The following ENTREP2 variants were observed in gnomAD, a reference collection of about 807,000 sequenced individuals.
ENTREP2 encodes the protein endosomal transmembrane epsin interactor 2, also known as protein ENTREP2.
the ENTREP2 span, among the ~76,000 whole-genome samples, chr15:29,443,803 T>A: frequency 6.6e-6 from 1 of 151,960 alleles, no homozygotes; most frequent in African/African-American, 2.4e-5. Flanking sequence ...TGAATCTGCA[T>A]CTTACATATA....
chr15:29,452,322 G>T, the ENTREP2 span, among the ~76,000 whole-genome samples: 1 of 152,184 alleles, frequency 6.6e-6, no homozygotes, highest in East Asian at 1.9e-4. Context: ...AATCCTGAGA[G>T]AGCAGGGATT....
the ENTREP2 span, among the ~76,000 whole-genome samples, chr15:29,601,669 C>T: frequency 1.3e-5 from 2 of 152,222 alleles, no homozygotes; most frequent in Admixed American, 1.3e-4. Context: ...TCAAATTTCA[C>T]TTCCATCTTT....
chr15:29,171,247 A>G, the ENTREP2 span, among the ~76,000 whole-genome samples: 2 of 152,216 alleles, frequency 1.3e-5, no homozygotes, highest in African/African-American at 4.8e-5. Context: ...TGAACTGATT[A>G]AGACAGTGGG....
chr15:29,471,891 G>A, the ENTREP2 span, among the ~76,000 whole-genome samples: 1 of 152,144 alleles, frequency 6.6e-6, no homozygotes, highest in African/African-American at 2.4e-5. Context: ...CAGCAGCCCC[G>A]GGAGAATCAG....
the ENTREP2 span, among the ~76,000 whole-genome samples, chr15:29,554,629 G>C: frequency 6.6e-6 from 1 of 152,184 alleles, no homozygotes; most frequent in Non-Finnish European, 1.5e-5. Flanking sequence ...ATTTCAGATA[G>C]TATTAAGTGT....
chr15:29,166,103 A>G, the ENTREP2 span, among the ~76,000 whole-genome samples: 1 of 152,204 alleles, frequency 6.6e-6, no homozygotes, highest in Non-Finnish European at 1.5e-5. Flanking sequence ...CAGAAAAAGC[A>G]TTTGATAAAA....
the ENTREP2 span, chr15:29,614,098 CA>C: frequency 1.3e-5 from 2 of 153,004 alleles, no homozygotes; most frequent in South Asian, 4.1e-4. Flanking sequence ...AGATGGCGGT[CA>C]CGTTCGTCGG....
the ENTREP2 span, among the ~76,000 whole-genome samples, chr15:29,490,334 G>A: frequency 3.3e-5 from 5 of 152,214 alleles, no homozygotes; most frequent in South Asian, 4.1e-4. Context: ...CAGAGCCTAA[G>A]AGTGAGCAGT....
At chr15:29,206,183 T>C in the ENTREP2 span, among the ~76,000 whole-genome samples, 1 of 152,126 alleles carries the variant, frequency 6.6e-6, no homozygotes, top group African/African-American at 2.4e-5. Flanking sequence ...ACCAGCAGAT[T>C]TGGTGTATGG....
At chr15:29,341,243 A>G in the ENTREP2 span, among the ~76,000 whole-genome samples, 2 of 152,332 alleles carry the variant, frequency 1.3e-5, no homozygotes, top group South Asian at 4.1e-4. Flanking sequence ...ACTCTGCCTC[A>G]TTCATTTTTC....
the ENTREP2 span, among the ~76,000 whole-genome samples, chr15:29,432,270 C>A: frequency 2.0e-5 from 3 of 152,166 alleles, no homozygotes; most frequent in East Asian, 5.8e-4. Context: ...GGGCTTTGGT[C>A]TCACCCACCT....
the ENTREP2 span, among the ~76,000 whole-genome samples, chr15:29,458,968 G>C: frequency 6.6e-6 from 1 of 152,276 alleles, no homozygotes; most frequent in Admixed American, 6.5e-5. Flanking sequence ...GTCCGGTGCT[G>C]ATTCCCACAT....
At chr15:29,321,585 G>T in the ENTREP2 span, among the ~76,000 whole-genome samples, 1 of 151,016 alleles carries the variant, frequency 6.6e-6, no homozygotes, top group Non-Finnish European at 1.5e-5. Context: ...GGAGGTGGAG[G>T]TTGCAGTGAG....
At chr15:29,645,152 G>A in the ENTREP2 span, among the ~76,000 whole-genome samples, 1 of 152,198 alleles carries the variant, frequency 6.6e-6, no homozygotes, top group African/African-American at 2.4e-5. Flanking sequence ...TCTTAGAAAT[G>A]GAGCATATGG....
the ENTREP2 span, chr15:29,675,338 C>G: frequency 1.3e-5 from 2 of 152,378 alleles, no homozygotes; most frequent in Non-Finnish European, 2.9e-5. Flanking sequence ...GTCCCACAGG[C>G]TCCTGGCCGC....
chr15:29,626,754 G>A, the ENTREP2 span, among the ~76,000 whole-genome samples: 73 of 152,200 alleles, frequency 4.8e-4, 1 homozygote, highest in African/African-American at 1.6e-3. Context: ...AAAAACGTGA[G>A]CTTTCACCAT....
At chr15:29,469,778 A>ATT in the ENTREP2 span, among the ~76,000 whole-genome samples, 18 of 151,194 alleles carry the variant, frequency 1.2e-4, no homozygotes, top group African/African-American at 3.9e-4. Flanking sequence ...TAATAAATTA[A>ATT]TTTTTTTTAA....
chr15:29,133,099 G>A, the ENTREP2 span, among the ~76,000 whole-genome samples: 4 of 152,080 alleles, frequency 2.6e-5, no homozygotes, highest in African/African-American at 7.2e-5. Flanking sequence ...TTGCACCCTC[G>A]GTCAGCCTCC....
chr15:29,216,287 A>C, the ENTREP2 span, among the ~76,000 whole-genome samples: 96 of 152,328 alleles, frequency 6.3e-4, no homozygotes, highest in African/African-American at 2.3e-3. Flanking sequence ...GAGGCTGAAG[A>C]TAGGGCCCTG....
Sources: gnomAD v4.1 joint callset for allele counts (sites outside exome capture counted in the v4.1 genomes callset) on GRCh38, gnomAD v4.1.1 for gene constraint, MANE v1.5 for transcripts, NCBI Gene and HGNC (gene_info 2026-07-23, HGNC 2026-07-21) for gene names.